The following IL1RAPL2 variants were observed in gnomAD, a reference collection of about 807,000 sequenced individuals.
The protein encoded by IL1RAPL2 is X-linked interleukin-1 receptor accessory protein-like 2.
In IL1RAPL2, 3 loss-of-function variants were observed where a neutral mutation model predicts 44.1. The ratio of observed to expected loss-of-function variants is 0.07; its 90% CI spans 0.03 to 0.18. The LOEUF is 0.18. Among genes scored for constraint, IL1RAPL2 ranks in the 10% least tolerant of loss-of-function variants. The pLI is 1.00. For synonymous variants in IL1RAPL2, 181 were observed against 178.8 expected (o/e 1.01, Z -0.10); for missense variants, 391 against 496.4 (o/e 0.79, Z 2.02).
At chrX:105,666,712 A>G (rs1017005118) in intron 6 of IL1RAPL2, among the ~76,000 whole-genome samples, 11 of 111,791 alleles carry the variant, frequency 9.8e-5, no homozygotes, top group African/African-American at 2.6e-4. Flanking sequence ...ACCCTAAAGA[A>G]GCCTAGAAGA....
rs190122373 is a variant in IL1RAPL2 at position 105,287,400 on chromosome X, G to A, written c.697+19859G>A. 4.3e-3 allele frequency among the ~76,000 whole-genome samples: 478 copies of A among 111,552 alleles called. 4 individuals carry two copies. The highest frequency in any genetic ancestry group is 0.015 in the African/African-American group (454 of 30,699). ...GTGAGGAAGCAAGAAACTAGAATAA[G>A]CTTAGGCTAGAGGGGTAGGTAAGGG... is the stretch of plus-strand genomic sequence containing the variant. On this transcript the variant is annotated intron_variant, in intron 5 of 10. Coordinates refer to ENST00000372582, the MANE Select transcript of IL1RAPL2 (RefSeq NM_017416.2).
At chrX:104,915,579 C>A (rs1202735246) in intron 2 of IL1RAPL2, among the ~76,000 whole-genome samples, 1 of 110,241 alleles carries the variant, frequency 9.1e-6, no homozygotes, top group Non-Finnish European at 1.9e-5. Context: ...TTAATTAGAT[C>A]CCATTTGTCA....
At chrX:104,606,097 C>T (rs2148002215) in intron 1 of IL1RAPL2, among the ~76,000 whole-genome samples, 1 of 112,172 alleles carries the variant, frequency 8.9e-6, no homozygotes, top group South Asian at 3.7e-4. Context: ...CCAAATCCAG[C>T]AGCACATCAA....
intron 2 of IL1RAPL2, among the ~76,000 whole-genome samples, chrX:104,946,379 C>CAAAAAAAAAAAAAAAAAAAA (rs1157603029): frequency 2.2e-4 from 2 of 9,140 alleles, no homozygotes; most frequent in Admixed American, 2.5e-3. Flanking sequence ...GACTCCGTCT[C>CAAAAAAAAAAAAAAAAAAAA]AAAAAAAAAA....
intron 4 of IL1RAPL2, among the ~76,000 whole-genome samples, chrX:105,259,443 T>TC (rs1292958397): frequency 9.0e-6 from 1 of 111,540 alleles, no homozygotes; most frequent in Non-Finnish European, 1.9e-5. Flanking sequence ...TTATGTTTTT[T>TC]CCCCAACTTG....
intron 5 of IL1RAPL2, among the ~76,000 whole-genome samples, chrX:105,439,816 G>A (rs1326495874): frequency 1.8e-5 from 2 of 111,825 alleles, no homozygotes; most frequent in East Asian, 2.8e-4. Flanking sequence ...AGATTATTTC[G>A]GGTAATGAAA....
rs1442236441 is a variant in IL1RAPL2 at position 105,267,483 on chromosome X, A to G, written c.639A>G (p.Thr213=). The G allele has an allele frequency of 4.2e-6, 5 of 1,195,447 alleles. No individual in the cohort carries two copies. Among genetic ancestry groups the G allele is most frequent in the Non-Finnish European group, 5.7e-6 (5 of 884,385 alleles). Reference sequence around the variant, plus strand: ...AAGAAGAAGATGGAGGAAATTACACATGTGAACTTAAATATGAAGGAAAAC... The same window carrying G: ...AAGAAGAAGATGGAGGAAATTACACGTGTGAACTTAAATATGAAGGAAAAC... ...EVQEEDGGNY[T]CELKYEGKLV... Residue 213 remains threonine, a synonymous_variant, in exon 5 of 11, where the codon ACA becomes ACG. Coordinates refer to ENST00000372582, the MANE Select transcript of IL1RAPL2 (RefSeq NM_017416.2).
intron 6 of IL1RAPL2, among the ~76,000 whole-genome samples, chrX:105,622,224 G>A (rs2037423829): frequency 9.2e-6 from 1 of 108,412 alleles, no homozygotes; most frequent in Non-Finnish European, 1.9e-5. Flanking sequence ...TATGTATTCA[G>A]TAGAAGCACA....
At chrX:104,976,127 T>C (rs2030330184) in intron 2 of IL1RAPL2, among the ~76,000 whole-genome samples, 1 of 111,801 alleles carries the variant, frequency 8.9e-6, no homozygotes, top group Admixed American at 9.5e-5. Flanking sequence ...CTGTTTGCTT[T>C]CTAATTTGTA....
intron 2 of IL1RAPL2, among the ~76,000 whole-genome samples, chrX:104,889,240 C>G (rs906415221): frequency 9.0e-6 from 1 of 111,373 alleles, no homozygotes; most frequent in Non-Finnish European, 1.9e-5. Context: ...GTGCCCCCAC[C>G]ACTAGTGAAT....
At chrX:105,086,189 A>G (rs148235741) in intron 2 of IL1RAPL2, among the ~76,000 whole-genome samples, 4,202 of 111,685 alleles carry the variant, frequency 0.038, 95 homozygotes, top group Non-Finnish European at 0.059. Flanking sequence ...ATAATAACCA[A>G]TATATGGAAT....
chrX:104,638,440 G>A (rs1194286939), intron 1 of IL1RAPL2, among the ~76,000 whole-genome samples: 3 of 110,861 alleles, frequency 2.7e-5, no homozygotes, highest in African/African-American at 9.8e-5. Flanking sequence ...GTTACTTGAG[G>A]TGCACTATTA....
chrX:105,661,054 T>C (rs1437621628), intron 6 of IL1RAPL2, among the ~76,000 whole-genome samples: 2 of 110,463 alleles, frequency 1.8e-5, no homozygotes, highest in African/African-American at 6.6e-5. Context: ...ACTTTAGCTA[T>C]AAAAACACAC....
At chrX:104,738,355 G>T (rs1200261179) in intron 2 of IL1RAPL2, among the ~76,000 whole-genome samples, 5 of 112,179 alleles carry the variant, frequency 4.5e-5, no homozygotes, top group African/African-American at 1.6e-4. Context: ...TATGCTAATG[G>T]CAGATTTTAG....
At chrX:105,421,149 C>T (rs922367159) in intron 5 of IL1RAPL2, among the ~76,000 whole-genome samples, 1 of 111,557 alleles carries the variant, frequency 9.0e-6, no homozygotes, top group African/African-American at 3.3e-5. Context: ...GCAAGATGAA[C>T]ATTGGTTCGG....
At chrX:105,248,776 A>G (rs984860472) in intron 4 of IL1RAPL2, among the ~76,000 whole-genome samples, 2 of 111,836 alleles carry the variant, frequency 1.8e-5, no homozygotes, top group African/African-American at 6.5e-5. Flanking sequence ...AGAAATGCAA[A>G]TCAAAACTAC....
At chrX:105,220,709 A>AAGGAAG (rs2033953680) in intron 3 of IL1RAPL2, 1 of 232,700 alleles carries the variant, frequency 4.3e-6, no homozygotes, top group Admixed American at 6.3e-5. Flanking sequence ...ACTCAGGGCC[A>AAGGAAG]ACGTCGGCTT....
In IL1RAPL2 at chrX:104,668,531, G is replaced by C. The variant is rs757350417; in HGVS notation, c.82+9536G>C. 3.3e-5 allele frequency among the ~76,000 whole-genome samples: 3 copies of C among 90,263 alleles called. No homozygotes were observed. The East Asian group carries it at 1.1e-3, about 33-fold the overall frequency. 78.4% of individuals were successfully genotyped at this position (90,263 alleles called of 115,157 possible). A position where few individuals can be genotyped will look rare whatever the true frequency, so the allele number is the denominator to read the frequency against. On this transcript the variant is annotated intron_variant, in intron 2 of 10. Transcript: ENST00000372582. ...GTGATGCTCGTGTTTCTGTTCACAT[G>C]CTTTACATTTGCTATAATAGGAAGG...
intron 6 of IL1RAPL2, among the ~76,000 whole-genome samples, chrX:105,637,832 G>A (rs773408773): frequency 9.2e-6 from 1 of 109,217 alleles, no homozygotes; most frequent in Non-Finnish European, 1.9e-5. Flanking sequence ...TTTTATCTGA[G>A]CCACTTGGCC....
Sources: allele counts gnomAD v4.1 joint callset (sites outside exome capture counted in the v4.1 genomes callset), GRCh38; gene constraint gnomAD v4.1.1; transcripts MANE v1.5; gene names NCBI Gene and HGNC (gene_info 2026-07-23, HGNC 2026-07-21).